The following UBE2J1 variants were observed in gnomAD, a reference collection of about 807,000 sequenced individuals.
UBE2J1 encodes the protein ubiquitin-conjugating enzyme E2 J1.
In UBE2J1, 17 loss-of-function variants were observed where a neutral mutation model predicts 42.1. The observed-to-expected ratio is 0.40, with a 90% CI of 0.28 to 0.61. UBE2J1 has a LOEUF of 0.61. Ranked by LOEUF, UBE2J1 falls within the 20% of genes least tolerant of loss-of-function variation. UBE2J1 has a pLI of 0.38. For missense variants in UBE2J1, 291 were observed against 389.4 expected (o/e 0.75, Z 2.13); for synonymous variants, 127 against 137.2 (o/e 0.93, Z 0.52).
intron 5 of UBE2J1, 98 bp downstream of exon 5, chr6:89,338,107 A>C (rs1288273751): frequency 1.3e-6 from 1 of 760,442 alleles, no homozygotes; most frequent in African/African-American, 1.8e-5. Flanking sequence ...ACAGTCACTC[A>C]GAAAATAAGT....
intron 1 of UBE2J1, among the ~76,000 whole-genome samples, chr6:89,351,013 T>C (rs1336267979): frequency 6.6e-6 from 1 of 151,672 alleles, no homozygotes; most frequent in Non-Finnish European, 1.5e-5. Flanking sequence ...AAATTAAGCT[T>C]TTCTTTCCCT....
intron 1 of UBE2J1, among the ~76,000 whole-genome samples, chr6:89,349,796 A>C (rs1050727342): frequency 2.6e-5 from 4 of 152,100 alleles, no homozygotes; most frequent in Non-Finnish European, 5.9e-5. Context: ...CTTCTGGTGG[A>C]GGCAGTGGGT....
In UBE2J1 at chr6:89,326,753, A is replaced by G. The variant is rs1767918174; in HGVS notation, c.*2926T>C. The stretch of plus-strand genomic sequence containing the variant: ...AAAACCTTAAAAAGTACATCTGTTA[A>G]TGTGCACATTAGTCTTTGTTAGTCA... On this transcript the variant is annotated 3_prime_UTR_variant, in exon 8 of 8. Coordinates refer to ENST00000435041, the MANE Select transcript of UBE2J1 (RefSeq NM_016021.3). 1 of 152,206 alleles carries G rather than the reference A, an allele frequency of 6.6e-6. No homozygotes were observed. The highest frequency in any genetic ancestry group is 6.5e-5 in the Admixed American group (1 of 15,276). 9.4% of individuals were successfully genotyped at this position (152,206 alleles called of 1,614,324 possible). A position where few individuals can be genotyped will look rare whatever the true frequency, so the allele number is the denominator to read the frequency against.
At chr6:89,338,581 T>C (rs748129593) in intron 3 of UBE2J1, 38 bp from the exon 4 acceptor site, 1 of 1,175,408 alleles carries the variant, frequency 8.5e-7, no homozygotes, top group Non-Finnish European at 1.2e-6. Flanking sequence ...ATTAAATACA[T>C]GTGCTTAATG....
chr6:89,334,212 C>T lies in UBE2J1; in HGVS notation c.559-1007G>A, dbSNP rs189141393. Among the ~76,000 whole-genome samples the T allele has an allele frequency of 1.1e-3, 160 of 152,030 alleles. 1 individual carries two copies. Among genetic ancestry groups the T allele is most frequent in the African/African-American group, 3.7e-3 (155 of 41,484 alleles). ...TAGAGACAGGGTTTCACCGTGTTAGCCTGGATGGTCTCAATCTCCTGACCT... is the reference window on the plus strand; with the variant it reads ...TAGAGACAGGGTTTCACCGTGTTAGTCTGGATGGTCTCAATCTCCTGACCT... On this transcript the variant is annotated intron_variant, in intron 6 of 7. Transcript: ENST00000435041.
intron 7 of UBE2J1, among the ~76,000 whole-genome samples, chr6:89,330,239 C>T (rs41273315): frequency 0.012 from 1,872 of 152,176 alleles, 19 homozygotes; most frequent in Middle Eastern, 0.065. Context: ...TTAACACATA[C>T]GCTTAATGAA....
intron 1 of UBE2J1, 50 bp from the exon 2 acceptor site, chr6:89,343,806 T>A (rs762437957): frequency 2.8e-6 from 4 of 1,422,128 alleles, no homozygotes; most frequent in Non-Finnish European, 3.9e-6. Context: ...CTTTTCTGAA[T>A]GATTAGCACA....
In UBE2J1 at chr6:89,338,539, T is replaced by A. The variant is rs138380064; in HGVS notation, c.242A>T (p.Asn81Ile). 1 of 1,574,294 alleles carries A rather than the reference T, an allele frequency of 6.4e-7. No homozygotes were observed. Among genetic ancestry groups the A allele is most frequent in the Admixed American group, 2.0e-5 (1 of 49,370 alleles). The change falls in exon 4 of 8, where the codon AAT becomes ATT. Residue 81 changes from asparagine to isoleucine, a missense_variant. Around this residue, in one of 2 missense-constraint regions of UBE2J1, gnomAD observed 115 missense variants for 193.1 expected, o/e 0.60. Transcript: ENST00000435041. ...TTTCTTGCCCACTTCAAATCGACCATTAGCCTGAGGAATAAACAATGCATT... is the reference window on the plus strand; with the variant it reads ...TTTCTTGCCCACTTCAAATCGACCAATAGCCTGAGGAATAAACAATGCATT... Reference protein sequence around the residue: ...KPPSIILLTANGRFEVGKKIC... With the variant: ...KPPSIILLTAIGRFEVGKKIC...
chr6:89,348,604 G>C (rs1768406956), intron 1 of UBE2J1, among the ~76,000 whole-genome samples: 1 of 152,192 alleles, frequency 6.6e-6, no homozygotes, highest in African/African-American at 2.4e-5. Flanking sequence ...CCCTGCAAAT[G>C]TATCAGTTCA....
At chr6:89,349,210 C>T (rs555653761) in intron 1 of UBE2J1, among the ~76,000 whole-genome samples, 1 of 152,020 alleles carries the variant, frequency 6.6e-6, no homozygotes, top group Non-Finnish European at 1.5e-5. Context: ...GCACTCCAGG[C>T]TGGGAGACCC....
intron 3 of UBE2J1, among the ~76,000 whole-genome samples, chr6:89,340,076 A>C (rs1351084511): frequency 6.6e-6 from 1 of 152,066 alleles, no homozygotes; most frequent in African/African-American, 2.4e-5. Context: ...GACGAAACCT[A>C]AGGACTCAGT....
At chr6:89,334,474 CTTTTT>C (rs763354270) in intron 6 of UBE2J1, among the ~76,000 whole-genome samples, 1 of 138,460 alleles carries the variant, frequency 7.2e-6, no homozygotes. Context: ...TTTCTTTTTT[CTTTTT>C]TTTTTTTTTG....
intron 3 of UBE2J1, among the ~76,000 whole-genome samples, chr6:89,339,181 C>G (rs1395216333): frequency 6.6e-6 from 1 of 151,208 alleles, no homozygotes; most frequent in East Asian, 2.0e-4. Context: ...TCCTAGCACT[C>G]TGGGAGACTG....
chr6:89,332,853 G>A (rs1357524785), intron 7 of UBE2J1, among the ~76,000 whole-genome samples: 1 of 152,130 alleles, frequency 6.6e-6, no homozygotes, highest in East Asian at 1.9e-4. Context: ...GAATTCTGGA[G>A]GGACAAGACA....
intron 5 of UBE2J1, among the ~76,000 whole-genome samples, 182 bp downstream of exon 5, chr6:89,338,023 G>A (rs1768142483): frequency 6.6e-6 from 1 of 152,088 alleles, no homozygotes; most frequent in Non-Finnish European, 1.5e-5. Context: ...AAATTACTTA[G>A]ATTCTGGTCA....
rs530991462 is a variant in UBE2J1 at position 89,352,301 on chromosome 6, A to G, written c.31+238T>C. Among the ~76,000 whole-genome samples the G allele has an allele frequency of 9.2e-5, 14 of 152,270 alleles. No individual in the cohort carries two copies. The South Asian group carries it at 2.7e-3, about 29-fold the overall frequency. On this transcript the variant is annotated intron_variant, in intron 1 of 7. Transcript: ENST00000435041. ...TCTACGGGACCAGGCGAAGATGAGA[A>G]AAGGGAGAGGCTGGGTGCTGCGGGG... is the stretch of plus-strand genomic sequence containing the variant.
rs1426416097 is a variant in UBE2J1 at position 89,330,014 on chromosome 6, T to C, written c.679-57A>G. 9.2e-6 allele frequency: 14 copies of C among 1,516,214 alleles called. No homozygotes were observed. In the East Asian group the frequency reaches 3.2e-4, roughly 34 times the overall value. 93.9% of individuals were successfully genotyped at this position (1,516,214 alleles called of 1,614,324 possible). On this transcript the variant is annotated intron_variant, in intron 7 of 7. Coordinates refer to ENST00000435041, the MANE Select transcript of UBE2J1 (RefSeq NM_016021.3). ...TGGCAAAGAAGATTTGTAAATACAC[T>C]TGTTATCTATTCAAGAATACACAAT...
rs1004611432 is a variant in UBE2J1, at chr6:89,352,626, G to C, written c.-57C>G. 8.1e-5 allele frequency: 123 copies of C among 1,511,094 alleles called. No individual in the cohort carries two copies. Among genetic ancestry groups the C allele is most frequent in the Admixed American group, 2.0e-4 (10 of 49,550 alleles). The allele number at this position is 1,511,094 out of a possible 1,614,324, so 93.6% of individuals were successfully genotyped here. Reference sequence around the variant, plus strand: ...GGCCGCTGCCACCTCCTCTCCACGCGGCCGCTGCCCGGGTCTCAGCGCGGC... The same window carrying C: ...GGCCGCTGCCACCTCCTCTCCACGCCGCCGCTGCCCGGGTCTCAGCGCGGC... On this transcript the variant is annotated 5_prime_UTR_variant, in exon 1 of 8. Transcript: ENST00000435041.
At position 89,337,661 on chromosome 6, in the gene UBE2J1, A is replaced by T. The variant is rs1261891253; in HGVS notation, c.428+544T>A. ...GGAAGGACTGATCTTGGTCATATAGACAAAAGTGCACCTGCACCTGAAAAA... is the reference window on the plus strand; with the variant it reads ...GGAAGGACTGATCTTGGTCATATAGTCAAAAGTGCACCTGCACCTGAAAAA... On this transcript the variant is annotated intron_variant, in intron 5 of 7. Transcript: ENST00000435041. Among the ~76,000 whole-genome samples, 15 of 152,288 alleles carry T rather than the reference A, an allele frequency of 9.8e-5. No homozygotes were observed. In the East Asian group the frequency reaches 2.9e-3, roughly 29 times the overall value.
Sources: allele counts gnomAD v4.1 joint callset (sites outside exome capture counted in the v4.1 genomes callset), GRCh38; gene constraint gnomAD v4.1.1; regional missense constraint gnomAD v4.1.1; transcripts MANE v1.5; gene names NCBI Gene and HGNC (gene_info 2026-07-23, HGNC 2026-07-21).